The following MCM9 variants were observed in gnomAD, a reference collection of about 807,000 sequenced individuals.
MCM9 encodes the protein minichromosome maintenance 9 homologous recombination repair factor.
Under a neutral mutation model 72.8 loss-of-function variants are expected in MCM9, and 55 were observed. The ratio of observed to expected loss-of-function variants is 0.76; its 90% CI spans 0.61 to 0.95. The LOEUF is 0.95. Among genes scored for constraint, MCM9 ranks in the 40% least tolerant of loss-of-function variants. The pLI, the probability that MCM9 is intolerant of heterozygous loss-of-function variation, is 0.00. For missense variants in MCM9, 1,279 were observed against 1,377.0 expected, an observed-to-expected ratio of 0.93 and a Z score of 1.13; for synonymous variants, 480 against 503.4, an observed-to-expected ratio of 0.95 and a Z score of 0.62.
intron 9 of MCM9, among the ~76,000 whole-genome samples, chr6:118,833,243 C>A (rs957127830): frequency 1.3e-5 from 2 of 152,146 alleles, no homozygotes; most frequent in African/African-American, 4.8e-5. Flanking sequence ...CAGGAAAAAA[C>A]TGACCAATCT....
At chr6:118,860,296 T>C (rs952278948) in intron 8 of MCM9, among the ~76,000 whole-genome samples, 2 of 151,764 alleles carry the variant, frequency 1.3e-5, no homozygotes, top group Non-Finnish European at 2.9e-5. Context: ...TGAGATACAA[T>C]AAAAAAGAAA....
rs1781454177 is a variant in MCM9, at chr6:118,921,818, G to A, written c.703+187C>T. On this transcript the variant is annotated intron_variant, in intron 5 of 13. Coordinates refer to ENST00000619706, the MANE Select transcript of MCM9 (RefSeq NM_017696.3). The stretch of plus-strand genomic sequence containing the variant: ...AAAACAAGCACCTGGACTAGCTGCT[G>A]TTGTATAGATCTAGCCCAGCTCTCT... 6.1e-6 allele frequency: 3 copies of A among 491,912 alleles called. No individual in the cohort carries two copies. In the South Asian group the frequency reaches 9.6e-5, roughly 16 times the overall value. The allele number at this position is 491,912 out of a possible 1,614,324, so 30.5% of individuals were successfully genotyped here. A position where few individuals can be genotyped will look rare whatever the true frequency, so the allele number is the denominator to read the frequency against.
chr6:118,869,104 G>A (rs924081121), intron 8 of MCM9, among the ~76,000 whole-genome samples: 7 of 152,176 alleles, frequency 4.6e-5, no homozygotes, highest in African/African-American at 9.7e-5. Flanking sequence ...ATGAGTTCAC[G>A]TCCTTTGCAG....
chr6:118,834,251 A>C (rs1263408661), intron 9 of MCM9, among the ~76,000 whole-genome samples: 1 of 152,166 alleles, frequency 6.6e-6, no homozygotes, highest in Non-Finnish European at 1.5e-5. Flanking sequence ...TTCTTTATCC[A>C]GTCTATCATT....
At chr6:118,900,719 A>T in intron 8 of MCM9, 1 of 1,257,336 alleles carries the variant, frequency 8.0e-7, no homozygotes, top group Non-Finnish European at 1.2e-6. Context: ...GTCATCTGGT[A>T]ATGTAATTAC....
intron 9 of MCM9, among the ~76,000 whole-genome samples, chr6:118,848,889 T>A (rs1229276246): frequency 6.6e-6 from 1 of 151,840 alleles, no homozygotes; most frequent in Non-Finnish European, 1.5e-5. Context: ...GCCACTGCAC[T>A]CCAGCCTGGG....
chr6:118,932,616 G>A lies in MCM9; in HGVS notation c.-25C>T. 1 of 984,662 alleles carries A rather than the reference G, an allele frequency of 1.0e-6. No homozygotes were observed. The highest frequency in any genetic ancestry group is 1.2e-6 in the Non-Finnish European group (1 of 829,276). The allele number at this position is 984,662 out of a possible 1,614,324, so 61.0% of individuals were successfully genotyped here. On this transcript the variant is annotated 5_prime_UTR_variant, in exon 2 of 14. Transcript: ENST00000619706. ...TAACTGAAACACATACCATTAATCAGACTGACAGCCAGTTCTGACATGAAT... is the reference window on the plus strand; with the variant it reads ...TAACTGAAACACATACCATTAATCAAACTGACAGCCAGTTCTGACATGAAT...
intron 8 of MCM9, among the ~76,000 whole-genome samples, chr6:118,901,723 G>A (rs1338066389): frequency 6.6e-6 from 1 of 152,168 alleles, no homozygotes; most frequent in Non-Finnish European, 1.5e-5. Flanking sequence ...ACTAGCCATA[G>A]GTTTTTTAAA....
intron 9 of MCM9, among the ~76,000 whole-genome samples, chr6:118,843,686 GTGTATATATATA>G (rs1775630764): frequency 3.2e-5 from 1 of 31,224 alleles, no homozygotes; most frequent in African/African-American, 1.4e-4. Context: ...ATATATATAT[GTGTATATATATA>G]TATATGTATG....
rs145826116 is a variant in MCM9 at position 118,850,239 on chromosome 6, C to A, written c.1325+6132G>T. Among the ~76,000 whole-genome samples, 389 of 120,338 alleles carry A rather than the reference C, an allele frequency of 3.2e-3. 14 individuals are homozygous for A. In the Admixed American group the frequency reaches 0.032, roughly 10 times the overall value. 78.9% of individuals were successfully genotyped at this position (120,338 alleles called of 152,430 possible). Reference sequence around the variant, plus strand: ...TATATCTAAGCACAATAAAGGACTGCAAAGAGAGCTTGAATATTAGTTTTT... The same window carrying A: ...TATATCTAAGCACAATAAAGGACTGAAAAGAGAGCTTGAATATTAGTTTTT... On this transcript the variant is annotated intron_variant, in intron 9 of 13. Coordinates refer to ENST00000619706, the MANE Select transcript of MCM9 (RefSeq NM_017696.3).
At chr6:118,833,110 T>C (rs1774692045) in intron 9 of MCM9, among the ~76,000 whole-genome samples, 1 of 152,088 alleles carries the variant, frequency 6.6e-6, no homozygotes, top group Non-Finnish European at 1.5e-5. Flanking sequence ...GAGAGCCACA[T>C]GAGAGAAGGA....
At chr6:118,897,320 T>G (rs2114500712) in intron 8 of MCM9, among the ~76,000 whole-genome samples, 1 of 152,252 alleles carries the variant, frequency 6.6e-6, no homozygotes, top group Admixed American at 6.5e-5. Context: ...CTTAAGATAA[T>G]TTGGTTCTTT....
rs1342376738 is a variant in MCM9, at chr6:118,843,686, G to GTA, written c.1325+12684_1325+12685insTA. 5.9e-3 allele frequency among the ~76,000 whole-genome samples: 185 copies of GTA among 31,186 alleles called. 9 individuals are homozygous for GTA. The highest frequency in any genetic ancestry group is 0.024 in the African/African-American group (169 of 6,932). The allele number at this position is 31,186 out of a possible 152,430, so 20.5% of individuals were successfully genotyped here. A position where few individuals can be genotyped will look rare whatever the true frequency, so the allele number is the denominator to read the frequency against. On this transcript the variant is annotated intron_variant, in intron 9 of 13. Transcript: ENST00000619706. ...TATATATATGTATGTATATATATAT[G>GTA]TGTATATATATATATATGTATGTAT...
At chr6:118,930,444 T>C (rs1009773344) in intron 3 of MCM9, among the ~76,000 whole-genome samples, 3 of 152,242 alleles carry the variant, frequency 2.0e-5, no homozygotes, top group Admixed American at 1.3e-4. Flanking sequence ...AAAGGGTATG[T>C]ATGTTCTCCA....
rs1474046358 is a variant in MCM9, at chr6:118,826,203, A to G, written c.1905T>C (p.Ile635=). The G allele has an allele frequency of 6.4e-7, 1 of 1,550,404 alleles. No individual in the cohort carries two copies. Among genetic ancestry groups the G allele is most frequent in the South Asian group, 1.2e-5 (1 of 84,064 alleles). Residue 635 remains isoleucine (I), a synonymous_variant, in exon 13 of 14, where the codon ATT becomes ATC. Coordinates refer to ENST00000619706, the MANE Select transcript of MCM9 (RefSeq NM_017696.3). ...GEQYQRQCEL[I]LEKLELQSLL... ...GGCTCTGCAGCTCTAGCTTTTCCAG[A>G]ATAAGTTCACACTGTCTCTGGTACT... is the stretch of plus-strand genomic sequence containing the variant.
At chr6:118,872,099 C>T (rs1483091720) in intron 8 of MCM9, among the ~76,000 whole-genome samples, 2 of 152,114 alleles carry the variant, frequency 1.3e-5, no homozygotes, top group East Asian at 1.9e-4. Flanking sequence ...GGGTGGATCA[C>T]GAGGTCAGGA....
chr6:118,874,364 T>G (rs574377532), intron 8 of MCM9, among the ~76,000 whole-genome samples: 2 of 152,024 alleles, frequency 1.3e-5, no homozygotes, highest in South Asian at 4.2e-4. Flanking sequence ...TCTGACAAAA[T>G]CCGACAGCCA....
chr6:118,909,231 C>G (rs964380877), intron 8 of MCM9: 1 of 152,142 alleles, frequency 6.6e-6, no homozygotes, highest in Non-Finnish European at 1.5e-5. Flanking sequence ...AAAGCATATA[C>G]AGCCAAATCA....
Position 118,846,959 on chromosome 6 carries a change from C to A in MCM9, c.1325+9412G>T, listed in dbSNP as rs904870419. ...ATCTCCCTACCCTGCCCCAAAAAAA[C>A]CCCACAAAGCAAAGGAAATCTGTAA... On this transcript the variant is annotated intron_variant, in intron 9 of 13. Coordinates refer to ENST00000619706, the MANE Select transcript of MCM9 (RefSeq NM_017696.3). 7.8e-4 allele frequency among the ~76,000 whole-genome samples: 118 copies of A among 151,862 alleles called. 3 individuals carry two copies. Among genetic ancestry groups the A allele is most frequent in the African/African-American group, 2.7e-3 (113 of 41,200 alleles).
Sources: allele counts gnomAD v4.1 joint callset (sites outside exome capture counted in the v4.1 genomes callset), GRCh38; gene constraint gnomAD v4.1.1; transcripts MANE v1.5; gene names NCBI Gene and HGNC (gene_info 2026-07-23, HGNC 2026-07-21).